NCKAP5: variants seen among roughly 807,000 people sequenced by gnomAD.
NCKAP5 encodes the protein NCK associated protein 5.
In NCKAP5, 92 loss-of-function variants were observed where a neutral mutation model predicts 167.0. The ratio of observed to expected loss-of-function variants is 0.55; its 90% CI spans 0.47 to 0.66. The LOEUF is 0.66. NCKAP5 is among the 30% of genes least tolerant of loss of function. The pLI is 0.00. For synonymous variants in NCKAP5, 891 were observed against 877.4 expected, an observed-to-expected ratio of 1.02 and a Z score of -0.27; for missense variants, 2,378 against 2,315.0, an observed-to-expected ratio of 1.03 and a Z score of -0.56.
intron 4 of NCKAP5, among the ~76,000 whole-genome samples, chr2:133,277,110 C>T (rs1020482294): frequency 6.6e-6 from 1 of 152,184 alleles, no homozygotes; most frequent in Non-Finnish European, 1.5e-5. Context: ...ACTTGAGACA[C>T]TCCATTTGAT....
intron 6 of NCKAP5, among the ~76,000 whole-genome samples, chr2:133,108,444 C>A (rs1053547106): frequency 1.3e-5 from 2 of 152,190 alleles, no homozygotes; most frequent in Non-Finnish European, 2.9e-5. Flanking sequence ...CAGTCACTCG[C>A]ACACTACAAG....
intron 3 of NCKAP5, among the ~76,000 whole-genome samples, chr2:133,406,968 A>G (rs977582992): frequency 2.0e-5 from 3 of 152,200 alleles, no homozygotes; most frequent in African/African-American, 7.2e-5. Context: ...ATATGAATCC[A>G]ACCTTCTCAC....
At chr2:132,859,200 T>A (rs1462912767) in intron 11 of NCKAP5, among the ~76,000 whole-genome samples, 2 of 152,144 alleles carry the variant, frequency 1.3e-5, no homozygotes, top group Non-Finnish European at 2.9e-5. Flanking sequence ...ATTTAGGAGA[T>A]GAGATCTATT....
chr2:133,242,259 C>CTTTTT (rs915257474), intron 4 of NCKAP5, among the ~76,000 whole-genome samples: 1 of 138,842 alleles, frequency 7.2e-6, no homozygotes. Flanking sequence ...CTTTTCTTTT[C>CTTTTT]TTTTTTTTTT....
At chr2:132,771,145 C>G (rs1342494316) in intron 16 of NCKAP5, among the ~76,000 whole-genome samples, 3 of 152,106 alleles carry the variant, frequency 2.0e-5, no homozygotes, top group Admixed American at 2.0e-4. Context: ...CAGAAGAAGA[C>G]ACTGTTATCA....
chr2:133,324,082 C>T (rs919537289), intron 3 of NCKAP5, among the ~76,000 whole-genome samples: 4 of 152,286 alleles, frequency 2.6e-5, no homozygotes, highest in South Asian at 2.1e-4. Context: ...CCTTTGGCTC[C>T]GGGAGGTTTC....
chr2:133,525,822 G>C (rs1294281833), intron 2 of NCKAP5, among the ~76,000 whole-genome samples: 1 of 151,922 alleles, frequency 6.6e-6, no homozygotes, highest in Non-Finnish European at 1.5e-5. Context: ...CCATCATCTT[G>C]GGTAGCAGCA....
chr2:133,305,771 C>A (rs1197395150), intron 3 of NCKAP5, among the ~76,000 whole-genome samples: 1 of 152,160 alleles, frequency 6.6e-6, no homozygotes, highest in Non-Finnish European at 1.5e-5. Flanking sequence ...AAATCTTAAA[C>A]CACTTAAAAA....
chr2:132,994,330 T>C (rs2077529819), intron 6 of NCKAP5, 91 bp from the exon 7 acceptor site: 1 of 833,710 alleles, frequency 1.2e-6, no homozygotes, highest in African/African-American at 1.7e-5. Flanking sequence ...TCTATGCGTA[T>C]TTCCCAAGCT....
At chr2:132,755,890 T>C (rs1680513776) in intron 16 of NCKAP5, among the ~76,000 whole-genome samples, 1 of 143,322 alleles carries the variant, frequency 7.0e-6, no homozygotes, top group Non-Finnish European at 1.6e-5. Context: ...ATAACTATAA[T>C]AATAATGAAG....
At chr2:133,104,242 G>A (rs1202496765) in intron 6 of NCKAP5, among the ~76,000 whole-genome samples, 4 of 152,200 alleles carry the variant, frequency 2.6e-5, no homozygotes, top group Non-Finnish European at 4.4e-5. Context: ...GCGTCAAAGA[G>A]ATGTGGCTAC....
the NCKAP5 span, among the ~76,000 whole-genome samples, chr2:133,663,968 G>A: frequency 6.6e-6 from 1 of 152,144 alleles, no homozygotes. Flanking sequence ...GTCAATGGCA[G>A]CTTTAGTCTT....
intron 6 of NCKAP5, among the ~76,000 whole-genome samples, chr2:133,001,850 T>C (rs546219674): frequency 2.4e-4 from 37 of 152,184 alleles, no homozygotes; most frequent in Non-Finnish European, 2.4e-4. Context: ...ACTGAAAATA[T>C]TCAGGAAAAA....
chr2:132,832,046 C>A (rs1687559624), intron 11 of NCKAP5, among the ~76,000 whole-genome samples: 1 of 152,012 alleles, frequency 6.6e-6, no homozygotes, highest in African/African-American at 2.4e-5. Context: ...CCATATCATA[C>A]TGTGTTGGTT....
At chr2:133,169,361 G>A (rs2084139738) in intron 5 of NCKAP5, among the ~76,000 whole-genome samples, 3 of 152,082 alleles carry the variant, frequency 2.0e-5, no homozygotes, top group Non-Finnish European at 4.4e-5. Context: ...TCCCAATCAG[G>A]TCCAATTGCA....
At chr2:133,394,845 C>A (rs1346113863) in intron 3 of NCKAP5, among the ~76,000 whole-genome samples, 2 of 152,190 alleles carry the variant, frequency 1.3e-5, no homozygotes, top group African/African-American at 2.4e-5. Flanking sequence ...AACTTTAAAT[C>A]ATGCATGAAA....
chr2:133,194,913 A>G (rs2150095785), intron 5 of NCKAP5, among the ~76,000 whole-genome samples: 1 of 151,800 alleles, frequency 6.6e-6, no homozygotes, highest in African/African-American at 2.4e-5. Context: ...CCATTGAGTT[A>G]AAATTTAACA....
At chr2:133,617,609 C>T in the NCKAP5 span, among the ~76,000 whole-genome samples, 3 of 144,644 alleles carry the variant, frequency 2.1e-5, no homozygotes, top group East Asian at 6.0e-4. Context: ...ATGTGAAGGA[C>T]CTCTTCAAGG....
intron 3 of NCKAP5, among the ~76,000 whole-genome samples, chr2:133,505,372 C>CATATATAT (rs143893267): frequency 6.6e-6 from 1 of 150,940 alleles, no homozygotes; most frequent in East Asian, 1.9e-4. Flanking sequence ...TTTTAAACAT[C>CATATATAT]ATATATATAT....
Sources: allele counts gnomAD v4.1 joint callset (sites outside exome capture counted in the v4.1 genomes callset), GRCh38; gene constraint gnomAD v4.1.1; transcripts MANE v1.5; gene names NCBI Gene and HGNC (gene_info 2026-07-23, HGNC 2026-07-21).